The following SGCZ variants were observed in gnomAD, a reference collection of about 807,000 sequenced individuals.
The protein encoded by SGCZ is sarcoglycan zeta.
Under a neutral mutation model 41.3 loss-of-function variants are expected in SGCZ, and 40 were observed. That is an observed-to-expected ratio of 0.97 (90% CI 0.75 to 1.26). SGCZ has a LOEUF of 1.26. Ranked by LOEUF, SGCZ falls within the 50% of genes most tolerant of loss-of-function variation. The probability of loss-of-function intolerance (pLI) is 0.00; values close to 1 mark genes in which losing one functional copy is unlikely to be tolerated. For synonymous variants in SGCZ, 206 were observed against 137.5 expected (o/e 1.50, Z -3.49); for missense variants, 552 against 369.8 (o/e 1.49, Z -4.04).
chr8:14,188,267 C>T (rs1255848136), intron 4 of SGCZ, among the ~76,000 whole-genome samples: 1 of 152,076 alleles, frequency 6.6e-6, no homozygotes, highest in Admixed American at 6.5e-5. Flanking sequence ...AGAGTTATAC[C>T]AGCATCAGAA....
chr8:14,938,813 A>T (rs1019647114), intron 1 of SGCZ, among the ~76,000 whole-genome samples: 34 of 148,732 alleles, frequency 2.3e-4, no homozygotes, highest in African/African-American at 7.6e-4. Flanking sequence ...TACAATGATA[A>T]TTTTTTTTTT....
intron 5 of SGCZ, among the ~76,000 whole-genome samples, chr8:14,155,552 G>A (rs1374520039): frequency 6.6e-6 from 1 of 151,978 alleles, no homozygotes; most frequent in East Asian, 1.9e-4. Flanking sequence ...ATACTACTCA[G>A]ATCATTGTGA....
chr8:14,871,640 C>G (rs1804154861), intron 1 of SGCZ, among the ~76,000 whole-genome samples: 1 of 151,724 alleles, frequency 6.6e-6, no homozygotes, highest in Non-Finnish European at 1.5e-5. Flanking sequence ...CCCATCTCTA[C>G]TAAAAACACA....
intron 1 of SGCZ, among the ~76,000 whole-genome samples, chr8:15,176,825 C>A (rs944675737): frequency 6.6e-6 from 1 of 152,068 alleles, no homozygotes; most frequent in Non-Finnish European, 1.5e-5. Flanking sequence ...CAGGGTGAAA[C>A]CCCATCTCTA....
intron 1 of SGCZ, among the ~76,000 whole-genome samples, chr8:14,568,896 A>C (rs1404841562): frequency 1.3e-5 from 2 of 152,216 alleles, no homozygotes; most frequent in Non-Finnish European, 2.9e-5. Context: ...AATTCAAGCA[A>C]TTGGAAACAT....
At chr8:15,224,111 C>A (rs926938889) in intron 1 of SGCZ, among the ~76,000 whole-genome samples, 1 of 152,274 alleles carries the variant, frequency 6.6e-6, no homozygotes, top group Non-Finnish European at 1.5e-5. Context: ...CTGCCTTCGC[C>A]TCCCAAAGTG....
At chr8:14,778,340 G>A (rs1269088599) in intron 1 of SGCZ, among the ~76,000 whole-genome samples, 2 of 152,064 alleles carry the variant, frequency 1.3e-5, no homozygotes, top group Non-Finnish European at 2.9e-5. Context: ...AGAGGACACT[G>A]GTCACTTGAG....
intron 1 of SGCZ, among the ~76,000 whole-genome samples, chr8:14,712,706 C>T (rs933438489): frequency 2.0e-5 from 3 of 152,112 alleles, no homozygotes; most frequent in African/African-American, 7.2e-5. Flanking sequence ...TCTAATGTAG[C>T]CTTGAGAATA....
At chr8:14,109,644 T>A (rs1474233238) in intron 5 of SGCZ, among the ~76,000 whole-genome samples, 1 of 152,162 alleles carries the variant, frequency 6.6e-6, no homozygotes, top group Non-Finnish European at 1.5e-5. Flanking sequence ...GAGGCAATGA[T>A]GAAATTGCCA....
At chr8:14,809,832 T>C (rs1285476848) in intron 1 of SGCZ, among the ~76,000 whole-genome samples, 19 of 152,116 alleles carry the variant, frequency 1.2e-4, no homozygotes, top group Admixed American at 1.2e-3. Flanking sequence ...AAAGTACTAT[T>C]AATTCTGATG....
intron 2 of SGCZ, among the ~76,000 whole-genome samples, chr8:14,484,544 T>C (rs1801621585): frequency 6.6e-6 from 1 of 152,122 alleles, no homozygotes; most frequent in Non-Finnish European, 1.5e-5. Context: ...ATAGAACAAA[T>C]GTTACAGTAC....
intron 1 of SGCZ, among the ~76,000 whole-genome samples, chr8:15,234,191 G>C (rs943784744): frequency 6.6e-6 from 1 of 152,122 alleles, no homozygotes; most frequent in Non-Finnish European, 1.5e-5. Flanking sequence ...GTTTAAAAGA[G>C]AGCAACGATG....
chr8:14,928,903 T>G (rs1325557082), intron 1 of SGCZ, among the ~76,000 whole-genome samples: 1 of 152,202 alleles, frequency 6.6e-6, no homozygotes, highest in African/African-American at 2.4e-5. Context: ...AATATTAAAT[T>G]TGTTCCATTA....
chr8:14,503,913 C>T (rs1253947357), intron 2 of SGCZ, among the ~76,000 whole-genome samples: 2 of 151,918 alleles, frequency 1.3e-5, no homozygotes, highest in African/African-American at 4.8e-5. Flanking sequence ...AATATTATAA[C>T]AAAAAATTGT....
chr8:14,551,554 ATATATTATATATATAAT>A (rs1291322343), intron 2 of SGCZ, among the ~76,000 whole-genome samples: 3 of 18,880 alleles, frequency 1.6e-4, no homozygotes, highest in African/African-American at 1.1e-3. Context: ...TATATATAAT[ATATATTATATATATAAT>A]ATATATATAA....
In SGCZ at chr8:15,151,467, A is replaced by C. The variant is rs534079408; in HGVS notation, c.39+86118T>G. 3.9e-5 allele frequency among the ~76,000 whole-genome samples: 6 copies of C among 152,328 alleles called. No homozygotes were observed. The South Asian group carries it at 1.2e-3, about 32-fold the overall frequency. On this transcript the variant is annotated intron_variant, in intron 1 of 7. Transcript: ENST00000382080. ...AATGTTCAAAAATAATATCAGTGAA[A>C]AGTTGGAAAATATAACATTGAAAAT... is the stretch of plus-strand genomic sequence containing the variant.
chr8:14,928,566 T>A (rs1799831574), intron 1 of SGCZ, among the ~76,000 whole-genome samples: 1 of 152,226 alleles, frequency 6.6e-6, no homozygotes, highest in East Asian at 1.9e-4. Context: ...TGGTGCTAAT[T>A]AAGGTTTAAA....
chr8:14,538,443 A>G (rs1240103656), intron 2 of SGCZ, among the ~76,000 whole-genome samples: 1 of 151,966 alleles, frequency 6.6e-6, no homozygotes, highest in Non-Finnish European at 1.5e-5. Context: ...TCTAGATGCC[A>G]TGGGTGAACC....
At position 15,059,419 on chromosome 8, in the gene SGCZ, G is replaced by C. The variant is rs571231044; in HGVS notation, c.39+178166C>G. 9.2e-5 allele frequency among the ~76,000 whole-genome samples: 14 copies of C among 152,218 alleles called. No homozygotes were observed. In the South Asian group the frequency reaches 1.7e-3, roughly 18 times the overall value. ...ACTTTTTAGTGAATAAATTTTCTAA[G>C]AATGACAATTACCAGATTATTTACA... On this transcript the variant is annotated intron_variant, in intron 1 of 7. Transcript: ENST00000382080.
Sources: gnomAD v4.1 joint callset for allele counts (sites outside exome capture counted in the v4.1 genomes callset) on GRCh38, gnomAD v4.1.1 for gene constraint, MANE v1.5 for transcripts, NCBI Gene and HGNC (gene_info 2026-07-23, HGNC 2026-07-21) for gene names.